RPS6KC1: variants seen among roughly 807,000 people sequenced by gnomAD.
The protein encoded by RPS6KC1 is inactive ribosomal protein S6 kinase delta-1.
RPS6KC1 carries 54 observed loss-of-function variants against 103.8 expected under a neutral mutation model. The ratio of observed to expected loss-of-function variants is 0.52; its 90% CI spans 0.42 to 0.65. RPS6KC1 has a LOEUF of 0.65. Among genes scored for constraint, RPS6KC1 ranks in the 30% least tolerant of loss-of-function variants. RPS6KC1 has a pLI of 0.00. For synonymous variants in RPS6KC1, 439 were observed against 438.7 expected (o/e 1.00, Z -0.01); for missense variants, 1,151 against 1,253.8 (o/e 0.92, Z 1.24).
At chr1:213,387,906 C>T in the RPS6KC1 span, among the ~76,000 whole-genome samples, 10 of 152,254 alleles carry the variant, frequency 6.6e-5, no homozygotes, top group Non-Finnish European at 1.0e-4. Context: ...GTGTGCCCTG[C>T]TCCTAAACCA....
At chr1:213,576,976 A>G in the RPS6KC1 span, among the ~76,000 whole-genome samples, 1 of 152,252 alleles carries the variant, frequency 6.6e-6, no homozygotes. Flanking sequence ...TGGTCTGGGT[A>G]AAAGATCAAA....
At chr1:213,714,586 G>T in the RPS6KC1 span, among the ~76,000 whole-genome samples, 1 of 152,264 alleles carries the variant, frequency 6.6e-6, no homozygotes, top group East Asian at 1.9e-4. Flanking sequence ...CATATTGTGG[G>T]CTTCCCTTAA....
the RPS6KC1 span, among the ~76,000 whole-genome samples, chr1:213,796,028 T>G: frequency 6.6e-6 from 1 of 152,192 alleles, no homozygotes; most frequent in Non-Finnish European, 1.5e-5. Flanking sequence ...AAAGAAGGTG[T>G]CTTCTAAGAA....
At chr1:213,165,991 G>A (rs1380066125) in intron 6 of RPS6KC1, among the ~76,000 whole-genome samples, 4 of 152,176 alleles carry the variant, frequency 2.6e-5, no homozygotes, top group African/African-American at 9.7e-5. Flanking sequence ...CTGTTACTAT[G>A]GAGACTGCCT....
intron 6 of RPS6KC1, among the ~76,000 whole-genome samples, chr1:213,133,466 C>T (rs917274450): frequency 2.0e-5 from 3 of 152,148 alleles, no homozygotes; most frequent in Non-Finnish European, 2.9e-5. Flanking sequence ...ACTGGCCATA[C>T]TGGACTTTGT....
At chr1:213,423,065 G>A in the RPS6KC1 span, among the ~76,000 whole-genome samples, 9 of 152,334 alleles carry the variant, frequency 5.9e-5, no homozygotes, top group South Asian at 2.1e-4. Flanking sequence ...CTGCAGACAT[G>A]TGCCTACTTC....
At chr1:213,498,954 ATTTT>A in the RPS6KC1 span, among the ~76,000 whole-genome samples, 1 of 150,028 alleles carries the variant, frequency 6.7e-6, no homozygotes, top group East Asian at 2.0e-4. Flanking sequence ...TGATTTTTGT[ATTTT>A]TAGTAGAGAC....
the RPS6KC1 span, among the ~76,000 whole-genome samples, chr1:213,803,174 C>G: frequency 6.6e-6 from 1 of 151,818 alleles, no homozygotes. Context: ...CTTCCACAAC[C>G]CCAGATTATT....
At position 213,061,335 on chromosome 1, in the gene RPS6KC1, C is replaced by T. The variant is rs150645238; in HGVS notation, c.106-9671C>T. On this transcript the variant is annotated intron_variant, in intron 1 of 14. Transcript: ENST00000366960. The stretch of plus-strand genomic sequence containing the variant: ...TCTATCTTATATGGGAGTTCTTTCA[C>T]TCCAGAGAACTAAAAATTATAAAAT... Among the ~76,000 whole-genome samples the T allele has an allele frequency of 2.3e-3, 354 of 152,236 alleles. 1 individual carries two copies. Among genetic ancestry groups the T allele is most frequent in the African/African-American group, 7.9e-3 (327 of 41,552 alleles).
the RPS6KC1 span, among the ~76,000 whole-genome samples, chr1:213,809,315 T>C: frequency 3.2e-3 from 486 of 152,266 alleles, 2 homozygotes; most frequent in African/African-American, 0.011. Flanking sequence ...TGGGTGATGA[T>C]GCCCCCCTCA....
the RPS6KC1 span, among the ~76,000 whole-genome samples, chr1:213,429,506 T>C: frequency 1.3e-5 from 2 of 152,250 alleles, no homozygotes; most frequent in Non-Finnish European, 2.9e-5. Flanking sequence ...TTTCCCTCGC[T>C]ACCTTTTTAT....
At chr1:213,482,220 C>T in the RPS6KC1 span, among the ~76,000 whole-genome samples, 1 of 152,150 alleles carries the variant, frequency 6.6e-6, no homozygotes, top group Non-Finnish European at 1.5e-5. Flanking sequence ...ATACAACCAT[C>T]TTGCTTTATT....
At chr1:213,666,626 A>G in the RPS6KC1 span, among the ~76,000 whole-genome samples, 14 of 152,248 alleles carry the variant, frequency 9.2e-5, no homozygotes, top group Non-Finnish European at 1.6e-4. Context: ...GTTACAATGT[A>G]CTTGGAGTTC....
the RPS6KC1 span, among the ~76,000 whole-genome samples, chr1:213,337,649 C>G: frequency 1.3e-5 from 2 of 152,100 alleles, no homozygotes; most frequent in Non-Finnish European, 2.9e-5. Flanking sequence ...GATGTTGATG[C>G]TATTCTTGGT....
the RPS6KC1 span, among the ~76,000 whole-genome samples, chr1:213,402,352 G>A: frequency 4.5e-3 from 691 of 152,272 alleles, 6 homozygotes; most frequent in African/African-American, 0.016. Context: ...CTTAGTGGCC[G>A]TGGTACCTCT....
At chr1:213,240,214 T>C (rs918733543) in intron 10 of RPS6KC1, among the ~76,000 whole-genome samples, 2 of 152,138 alleles carry the variant, frequency 1.3e-5, no homozygotes, top group African/African-American at 4.8e-5. Flanking sequence ...CCTCCAATCC[T>C]GGACTGGACA....
chr1:213,601,384 ATATATT>A, the RPS6KC1 span, among the ~76,000 whole-genome samples: 5 of 147,906 alleles, frequency 3.4e-5, no homozygotes, highest in Admixed American at 2.7e-4. Context: ...TAAATATATT[ATATATT>A]TATATTTGTA....
the RPS6KC1 span, among the ~76,000 whole-genome samples, chr1:213,440,407 T>C: frequency 6.6e-6 from 1 of 152,234 alleles, no homozygotes; most frequent in South Asian, 2.1e-4. Flanking sequence ...TTGAGAACTT[T>C]GTAACTCACT....
chr1:213,431,635 G>C, the RPS6KC1 span, among the ~76,000 whole-genome samples: 1 of 148,888 alleles, frequency 6.7e-6, no homozygotes, highest in Non-Finnish European at 1.5e-5. Context: ...CTGCTCTATT[G>C]TATTCCATTG....
Sources: allele counts gnomAD v4.1 joint callset (sites outside exome capture counted in the v4.1 genomes callset), GRCh38; gene constraint gnomAD v4.1.1; transcripts MANE v1.5; gene names NCBI Gene and HGNC (gene_info 2026-07-23, HGNC 2026-07-21).